Variants in AKAP6 observed in about 807,000 individuals in gnomAD.
AKAP6 encodes the protein A-kinase anchoring protein 6.
AKAP6 carries 58 observed loss-of-function variants against 188.5 expected under a neutral mutation model. That is an observed-to-expected ratio of 0.31 (90% CI 0.25 to 0.38). The LOEUF is 0.38. AKAP6 is among the 10% of genes least tolerant of loss of function. The pLI is 1.00. For synonymous variants in AKAP6, 989 were observed against 998.6 expected (o/e 0.99, Z 0.18); for missense variants, 2,710 against 2,740.0 (o/e 0.99, Z 0.24).
chr14:32,388,778 G>A (rs536395309), intron 1 of AKAP6, among the ~76,000 whole-genome samples: 5 of 152,080 alleles, frequency 3.3e-5, no homozygotes, highest in Non-Finnish European at 7.4e-5. Flanking sequence ...CTATCATATG[G>A]TCTATATTGG....
intron 13 of AKAP6, among the ~76,000 whole-genome samples, chr14:32,826,207 T>C (rs1350493163): frequency 6.6e-6 from 1 of 152,080 alleles, no homozygotes; most frequent in Non-Finnish European, 1.5e-5. Flanking sequence ...AAAAATAAAC[T>C]CAGTATGCAA....
intron 7 of AKAP6, among the ~76,000 whole-genome samples, chr14:32,630,714 A>C (rs1887231653): frequency 6.6e-6 from 1 of 152,064 alleles, no homozygotes; most frequent in South Asian, 2.1e-4. Context: ...CTATGTAACA[A>C]TGTAACCCTT....
chr14:32,634,556 T>A (rs916402236), intron 7 of AKAP6, among the ~76,000 whole-genome samples: 1 of 152,134 alleles, frequency 6.6e-6, no homozygotes, highest in Non-Finnish European at 1.5e-5. Flanking sequence ...ACCTACTCTG[T>A]ATCCTATAGG....
intron 9 of AKAP6, among the ~76,000 whole-genome samples, chr14:32,717,114 G>A (rs933672699): frequency 6.6e-6 from 1 of 152,116 alleles, no homozygotes; most frequent in African/African-American, 2.4e-5. Context: ...AAAGGCAGAA[G>A]TAACAGTTGC....
At chr14:32,416,019 A>G (rs1216638700) in intron 1 of AKAP6, among the ~76,000 whole-genome samples, 2 of 152,190 alleles carry the variant, frequency 1.3e-5, no homozygotes, top group Non-Finnish European at 2.9e-5. Flanking sequence ...GGGTACAAAT[A>G]TCTCTTTAAG....
At chr14:32,618,105 C>T (rs1886658488) in intron 7 of AKAP6, among the ~76,000 whole-genome samples, 1 of 150,914 alleles carries the variant, frequency 6.6e-6, no homozygotes, top group Non-Finnish European at 1.5e-5. Context: ...TATTTTATAT[C>T]TTTGCATTTC....
chr14:32,587,650 G>A (rs984444236), intron 5 of AKAP6, among the ~76,000 whole-genome samples: 1 of 152,200 alleles, frequency 6.6e-6, no homozygotes, highest in African/African-American at 2.4e-5. Flanking sequence ...AGAGAGACAT[G>A]CCAGCCGTTC....
In AKAP6 at chr14:32,822,169, C is replaced by A. The variant is rs751645690; in HGVS notation, c.4356C>A (p.Asp1452Glu). The change falls in exon 13 of 14, where the codon GAC becomes GAA. Residue 1452 changes from aspartate to glutamate, a missense_variant. Around this residue, in one of 2 missense-constraint regions of AKAP6, gnomAD observed 2,473 missense variants for 2,426.1 expected, o/e 1.02. Coordinates refer to ENST00000280979, the MANE Select transcript of AKAP6 (RefSeq NM_004274.5). ...DLNSITKHTP[D>E]CLGEELQGKH... ...ACAGTATTACCAAACATACCCCTGA[C>A]TGTTTGGGAGAAGAATTACAAGGAA... The A allele has an allele frequency of 1.2e-6, 2 of 1,613,818 alleles. No individual in the cohort carries two copies. The highest frequency in any genetic ancestry group is 1.1e-5 in the South Asian group (1 of 91,080).
chr14:32,735,950 A>G, intron 11 of AKAP6, 68 bp downstream of exon 11: 1 of 1,229,164 alleles, frequency 8.1e-7, no homozygotes, highest in Admixed American at 2.3e-5. Flanking sequence ...TTTATCAAGT[A>G]CATGAAGTAT....
chr14:32,642,857 G>T (rs1887818430), intron 7 of AKAP6, among the ~76,000 whole-genome samples: 1 of 152,096 alleles, frequency 6.6e-6, no homozygotes, highest in African/African-American at 2.4e-5. Context: ...GCCTTTGTGT[G>T]TATAAATTTA....
chr14:32,601,316 A>G (rs1885920278), intron 7 of AKAP6, among the ~76,000 whole-genome samples: 1 of 152,182 alleles, frequency 6.6e-6, no homozygotes, highest in Non-Finnish European at 1.5e-5. Flanking sequence ...ATGCTTTGCT[A>G]CAAATCTTTT....
intron 4 of AKAP6, among the ~76,000 whole-genome samples, chr14:32,561,006 T>G (rs1212214612): frequency 6.6e-6 from 1 of 152,166 alleles, no homozygotes; most frequent in Admixed American, 6.5e-5. Context: ...ATTTTATAAA[T>G]TAGAAGAGAC....
intron 2 of AKAP6, chr14:32,442,263 T>C (rs1890600536): frequency 6.6e-6 from 1 of 152,218 alleles, no homozygotes; most frequent in Admixed American, 6.5e-5. Context: ...TCTAATATTC[T>C]TTCTATTTTG....
chr14:32,703,182 C>T (rs917854443), intron 9 of AKAP6, among the ~76,000 whole-genome samples: 3 of 150,978 alleles, frequency 2.0e-5, no homozygotes, highest in South Asian at 4.2e-4. Context: ...GGGAAGAAGG[C>T]GGGGAGAGGG....
At chr14:32,748,965 TAC>T (rs2139896343) in intron 11 of AKAP6, among the ~76,000 whole-genome samples, 1 of 152,218 alleles carries the variant, frequency 6.6e-6, no homozygotes, top group African/African-American at 2.4e-5. Flanking sequence ...CACACACATA[TAC>T]ACACACAATT....
At chr14:32,716,541 C>G (rs543511862) in intron 9 of AKAP6, among the ~76,000 whole-genome samples, 1 of 149,176 alleles carries the variant, frequency 6.7e-6, no homozygotes, top group Admixed American at 6.7e-5. Context: ...TACATATATA[C>G]TATATACTAT....
chr14:32,592,067 T>G (rs1280001967), intron 5 of AKAP6, among the ~76,000 whole-genome samples: 5 of 152,216 alleles, frequency 3.3e-5, no homozygotes, highest in Admixed American at 3.3e-4. Context: ...TTGGGGACAT[T>G]TATCAACTAC....
chr14:32,412,964 TAATC>T (rs1165322276), intron 1 of AKAP6, among the ~76,000 whole-genome samples: 1 of 152,140 alleles, frequency 6.6e-6, no homozygotes, highest in Admixed American at 6.6e-5. Context: ...GTAAACAAGA[TAATC>T]AATCTCACCA....
chr14:32,539,212 A>T lies in AKAP6; in HGVS notation c.576+3407A>T, dbSNP rs1445270527. ...TTGGGGTCAAGAGAGGTAATGTCAC[A>T]CAGGTGATAAGAGAGTGATAACTCT... On this transcript the variant is annotated intron_variant, in intron 3 of 13. Coordinates refer to ENST00000280979, the MANE Select transcript of AKAP6 (RefSeq NM_004274.5). Among the ~76,000 whole-genome samples, 11 of 152,314 alleles carry T rather than the reference A, an allele frequency of 7.2e-5. No individual in the cohort carries two copies. The East Asian group carries it at 2.1e-3, about 29-fold the overall frequency.
Sources: allele counts gnomAD v4.1 joint callset (sites outside exome capture counted in the v4.1 genomes callset), GRCh38; gene constraint gnomAD v4.1.1; regional missense constraint gnomAD v4.1.1; transcripts MANE v1.5; gene names NCBI Gene and HGNC (gene_info 2026-07-23, HGNC 2026-07-21).